CSGALNACT1: variants seen among roughly 807,000 people sequenced by gnomAD.
CSGALNACT1 encodes the protein beta4GalNAcT-1.
A neutral mutation model predicts 51.0 loss-of-function variants in CSGALNACT1; 52 were observed. The ratio of observed to expected loss-of-function variants is 1.02; its 90% CI spans 0.82 to 1.29. CSGALNACT1 has a LOEUF of 1.29. Among genes scored for constraint, CSGALNACT1 ranks in the 50% most tolerant of loss-of-function variants. The pLI is 0.00. For synonymous variants in CSGALNACT1, 341 were observed against 254.4 expected, an observed-to-expected ratio of 1.34 and a Z score of -3.24; for missense variants, 935 against 679.2, an observed-to-expected ratio of 1.38 and a Z score of -4.19.
chr8:19,550,854 C>T (rs1307144951), intron 3 of CSGALNACT1, among the ~76,000 whole-genome samples: 1 of 152,170 alleles, frequency 6.6e-6, no homozygotes, highest in African/African-American at 2.4e-5. Flanking sequence ...TCACAGAAAA[C>T]TCCTATTTTC....
At chr8:19,697,477 C>A (rs1412273002) in intron 1 of CSGALNACT1, among the ~76,000 whole-genome samples, 1 of 152,154 alleles carries the variant, frequency 6.6e-6, no homozygotes, top group Non-Finnish European at 1.5e-5. Context: ...TGGGGAAAGT[C>A]TGGCCACTAC....
chr8:19,656,841 G>GGT, intron 1 of CSGALNACT1, among the ~76,000 whole-genome samples: 1 of 152,200 alleles, frequency 6.6e-6, no homozygotes, highest in African/African-American at 2.4e-5. Context: ...GCCAAGGCGC[G>GGT]TGGATCACAA....
intron 1 of CSGALNACT1, among the ~76,000 whole-genome samples, chr8:19,689,968 C>T (rs1006997743): frequency 2.0e-5 from 3 of 152,224 alleles, no homozygotes; most frequent in African/African-American, 7.2e-5. Flanking sequence ...CCCTTTTCTG[C>T]ATCTTTAGAT....
intron 3 of CSGALNACT1, among the ~76,000 whole-genome samples, chr8:19,577,283 C>G (rs1051914763): frequency 4.0e-4 from 60 of 151,894 alleles, no homozygotes; most frequent in Non-Finnish European, 7.4e-5. Context: ...CAATTAGTAG[C>G]CAGGCATAGT....
At chr8:19,473,518 C>G (rs1318301567) in intron 4 of CSGALNACT1, among the ~76,000 whole-genome samples, 1 of 152,214 alleles carries the variant, frequency 6.6e-6, no homozygotes, top group Non-Finnish European at 1.5e-5. Context: ...ACCCATGGTA[C>G]AGACTTGCAG....
At chr8:19,534,570 A>T (rs901710527) in intron 3 of CSGALNACT1, among the ~76,000 whole-genome samples, 2 of 152,188 alleles carry the variant, frequency 1.3e-5, no homozygotes, top group Non-Finnish European at 2.9e-5. Context: ...AAACACACCA[A>T]TCATGACCCT....
intron 6 of CSGALNACT1, among the ~76,000 whole-genome samples, chr8:19,434,432 T>A (rs969630181): frequency 3.9e-5 from 6 of 152,300 alleles, no homozygotes; most frequent in East Asian, 3.9e-4. Flanking sequence ...TCTGAAGGAT[T>A]TGAGAGTTAG....
At chr8:19,526,988 A>G (rs190269414) in intron 3 of CSGALNACT1, among the ~76,000 whole-genome samples, 49 of 152,334 alleles carry the variant, frequency 3.2e-4, no homozygotes, top group Non-Finnish European at 4.1e-4. Flanking sequence ...AGATATCCGT[A>G]TCTATATGAC....
chr8:19,542,437 TG>T (rs1230744627), intron 3 of CSGALNACT1, among the ~76,000 whole-genome samples: 1 of 152,160 alleles, frequency 6.6e-6, no homozygotes, highest in African/African-American at 2.4e-5. Context: ...GGCTCCATAG[TG>T]GGGTTCCATG....
intron 1 of CSGALNACT1, among the ~76,000 whole-genome samples, chr8:19,707,798 C>T (rs185078967): frequency 0.012 from 1,804 of 152,056 alleles, 20 homozygotes; most frequent in Non-Finnish European, 0.018. Context: ...GTCAGGAGAT[C>T]GAGATCAGCC....
At chr8:19,427,777 G>A (rs1338492499) in intron 6 of CSGALNACT1, among the ~76,000 whole-genome samples, 2 of 151,748 alleles carry the variant, frequency 1.3e-5, no homozygotes, top group Non-Finnish European at 1.5e-5. Flanking sequence ...AACACAGCAA[G>A]ACTCCACTTC....
chr8:19,709,902 C>T (rs756216565), intron 1 of CSGALNACT1, among the ~76,000 whole-genome samples: 3 of 152,138 alleles, frequency 2.0e-5, no homozygotes, highest in South Asian at 2.1e-4. Context: ...CCTAAAGGCC[C>T]CTACAGAACA....
intron 4 of CSGALNACT1, among the ~76,000 whole-genome samples, chr8:19,497,993 T>A (rs1442613250): frequency 6.6e-6 from 1 of 152,196 alleles, no homozygotes; most frequent in African/African-American, 2.4e-5. Context: ...CCTACATATG[T>A]TGATTGATGT....
At chr8:19,627,725 T>G (rs1345378616) in intron 1 of CSGALNACT1, among the ~76,000 whole-genome samples, 1 of 152,138 alleles carries the variant, frequency 6.6e-6, no homozygotes, top group Non-Finnish European at 1.5e-5. Context: ...CGTTGGAGGC[T>G]CAGGTGGGAG....
intron 1 of CSGALNACT1, among the ~76,000 whole-genome samples, chr8:19,619,003 C>A (rs1478888808): frequency 6.6e-6 from 1 of 152,120 alleles, no homozygotes; most frequent in Admixed American, 6.5e-5. Flanking sequence ...TGCCTCAGAA[C>A]TGTCAGGCTC....
rs113690453 is a variant in CSGALNACT1, at chr8:19,512,931, C to T, written c.-296-6801G>A. ...GTAGCTGACTATTACAGCACACGGG[C>T]CAAGTTAACTGAGAAGTGATGAAGC... On this transcript the variant is annotated intron_variant, in intron 3 of 9. Transcript: ENST00000454498. Among the ~76,000 whole-genome samples, 1,477 of 152,240 alleles carry T rather than the reference C, an allele frequency of 9.7e-3. 22 individuals are homozygous for T. Among genetic ancestry groups the T allele is most frequent in the South Asian group, 0.043 (205 of 4,822 alleles).
intron 1 of CSGALNACT1, among the ~76,000 whole-genome samples, chr8:19,743,302 C>T (rs1161804666): frequency 6.6e-6 from 1 of 152,138 alleles, no homozygotes; most frequent in Non-Finnish European, 1.5e-5. Context: ...TAAACTGGTC[C>T]TATTCCTAAT....
intron 1 of CSGALNACT1, among the ~76,000 whole-genome samples, chr8:19,688,153 T>A (rs1169609815): frequency 6.6e-6 from 1 of 152,184 alleles, no homozygotes; most frequent in Non-Finnish European, 1.5e-5. Context: ...CAGTATTTGG[T>A]CCCTGGAGAC....
chr8:19,650,704 T>A (rs566424580), intron 1 of CSGALNACT1, among the ~76,000 whole-genome samples: 2 of 152,264 alleles, frequency 1.3e-5, no homozygotes, highest in Non-Finnish European at 2.9e-5. Flanking sequence ...AACAACACGC[T>A]TAAGCACTGA....
Sources: allele counts gnomAD v4.1 joint callset (sites outside exome capture counted in the v4.1 genomes callset), GRCh38; gene constraint gnomAD v4.1.1; transcripts MANE v1.5; gene names NCBI Gene and HGNC (gene_info 2026-07-23, HGNC 2026-07-21).